Variants in ZNF516 observed in about 807,000 individuals in gnomAD.
ZNF516 encodes zinc finger protein 516.
In ZNF516, 19 loss-of-function variants were observed where a neutral mutation model predicts 79.7. The observed-to-expected ratio is 0.24, with a 90% CI of 0.17 to 0.35. The LOEUF is 0.35. Among genes scored for constraint, ZNF516 ranks in the 10% least tolerant of loss-of-function variants. The probability of loss-of-function intolerance (pLI) is 1.00; values close to 1 mark genes in which losing one functional copy is unlikely to be tolerated. For missense variants in ZNF516, 1,678 were observed against 1,679.5 expected (o/e 1.00, Z 0.02); for synonymous variants, 877 against 739.5 (o/e 1.19, Z -3.02).
At chr18:76,400,494 C>T (rs2075204128) in intron 3 of ZNF516, among the ~76,000 whole-genome samples, 2 of 152,172 alleles carry the variant, frequency 1.3e-5, no homozygotes, top group Non-Finnish European at 2.9e-5. Context: ...CCAGCTTTCC[C>T]CATTAGACAT....
chr18:76,419,251 TAG>T (rs1463923539), intron 3 of ZNF516, among the ~76,000 whole-genome samples: 3 of 152,126 alleles, frequency 2.0e-5, no homozygotes, highest in Non-Finnish European at 4.4e-5. Flanking sequence ...AACAATGGGA[TAG>T]AGACAAGTAT....
chr18:76,474,823 A>T (rs1042870002), intron 1 of ZNF516, among the ~76,000 whole-genome samples: 2 of 152,198 alleles, frequency 1.3e-5, no homozygotes, highest in African/African-American at 4.8e-5. Flanking sequence ...CAGAAGGAAA[A>T]TTTTAAAAAA....
intron 1 of ZNF516, among the ~76,000 whole-genome samples, chr18:76,480,529 A>ATACATATT (rs374464151): frequency 3.5e-5 from 5 of 142,024 alleles, no homozygotes; most frequent in African/African-American, 1.3e-4. Context: ...ACACACATAT[A>ATACATATT]TTTTTTTTTT....
chr18:76,428,903 G>C (rs2075628185), intron 3 of ZNF516, among the ~76,000 whole-genome samples: 1 of 152,250 alleles, frequency 6.6e-6, no homozygotes, highest in Non-Finnish European at 1.5e-5. Flanking sequence ...CAGGAGCCTA[G>C]CATGGGTCTA....
At chr18:76,458,794 G>GTGCGTGCCTCACCGT (rs1491238281) in intron 2 of ZNF516, among the ~76,000 whole-genome samples, 1 of 149,068 alleles carries the variant, frequency 6.7e-6, no homozygotes, top group African/African-American at 2.5e-5. Context: ...TCACCGTCGT[G>GTGCGTGCCTCACCGT]CGTGTGCGTG....
At chr18:76,406,917 C>T (rs1392087522) in intron 3 of ZNF516, among the ~76,000 whole-genome samples, 3 of 152,068 alleles carry the variant, frequency 2.0e-5, no homozygotes, top group South Asian at 2.1e-4. Flanking sequence ...GTGTCCCCTG[C>T]CAGGCCGGAG....
At chr18:76,495,789 G>A (rs1302166382), upstream of ZNF516, 3 of 1,115,904 alleles carry the variant, frequency 2.7e-6, no homozygotes, top group Non-Finnish European at 3.3e-6. Flanking sequence ...GGTCCCAGGT[G>A]CGTGTGCATT....
chr18:76,485,950 T>TAG (rs1914809300), intron 1 of ZNF516, among the ~76,000 whole-genome samples: 1 of 126,812 alleles, frequency 7.9e-6, no homozygotes, highest in Non-Finnish European at 1.8e-5. Flanking sequence ...TTTTTTGCTC[T>TAG]AGGTTAAAAT....
chr18:76,495,266 C>T (rs1408872134), upstream of ZNF516: 1 of 145,668 alleles, frequency 6.9e-6, no homozygotes, highest in African/African-American at 2.5e-5. Flanking sequence ...CAGCTGCGCC[C>T]GGGCGCGGGG....
chr18:76,374,301 T>C (rs9948518), intron 4 of ZNF516, among the ~76,000 whole-genome samples: 2,630 of 152,350 alleles, frequency 0.017, 27 homozygotes, highest in African/African-American at 0.024. Flanking sequence ...AGATCATGTA[T>C]TATTTTATTA....
At chr18:76,367,769 C>T (rs944010231) in intron 6 of ZNF516, among the ~76,000 whole-genome samples, 1 of 152,182 alleles carries the variant, frequency 6.6e-6, no homozygotes, top group African/African-American at 2.4e-5. Flanking sequence ...ATCTTGTCGC[C>T]CCAGTATCCT....
At chr18:76,492,976 G>A in intron 1 of ZNF516, 4 of 985,560 alleles carry the variant, frequency 4.1e-6, no homozygotes, top group Non-Finnish European at 4.8e-6. Context: ...TCATGCACGC[G>A]CACGCGCGCG....
chr18:76,432,517 T>A (rs545086969), intron 3 of ZNF516, among the ~76,000 whole-genome samples: 1 of 152,356 alleles, frequency 6.6e-6, no homozygotes, highest in East Asian at 1.9e-4. Context: ...CACTCAACTG[T>A]GTCCTTGACA....
intron 3 of ZNF516, among the ~76,000 whole-genome samples, chr18:76,381,150 G>C (rs1309811238): frequency 6.6e-6 from 1 of 152,202 alleles, no homozygotes; most frequent in Non-Finnish European, 1.5e-5. Flanking sequence ...AGGAACGCGT[G>C]AGACAGGGAG....
chr18:76,425,821 A>T (rs2075586091), intron 3 of ZNF516, among the ~76,000 whole-genome samples: 1 of 152,232 alleles, frequency 6.6e-6, no homozygotes, highest in Admixed American at 6.5e-5. Context: ...GTCGAGGTCC[A>T]GGTAAGAGAC....
In ZNF516 at chr18:76,495,239, C is replaced by G. The variant is rs1191591148; in HGVS notation, c.-367G>C. On this transcript the variant is annotated 5_prime_UTR_variant, in exon 1 of 7. Transcript: ENST00000443185. Reference sequence around the variant, plus strand: ...GCCCGCGGCGCGGAGCCGAGCGCTGCACTAGACCGACCGCGCCAGCTGCGC... The same window carrying G: ...GCCCGCGGCGCGGAGCCGAGCGCTGGACTAGACCGACCGCGCCAGCTGCGC... 6.8e-6 allele frequency: 1 copy of G among 146,914 alleles called. No individual in the cohort carries two copies. Among genetic ancestry groups the G allele is most frequent in the East Asian group, 2.0e-4 (1 of 4,978 alleles). The allele number at this position is 146,914 out of a possible 1,614,324, so 9.1% of individuals were successfully genotyped here.
chr18:76,492,546 C>A (rs1172663074), intron 1 of ZNF516: 7 of 332,412 alleles, frequency 2.1e-5, no homozygotes, highest in Non-Finnish European at 3.0e-5. Flanking sequence ...AAGACACATG[C>A]TGCCCTTCAC....
At chr18:76,371,071 G>A (rs540018884) in intron 5 of ZNF516, among the ~76,000 whole-genome samples, 15 of 152,324 alleles carry the variant, frequency 9.8e-5, no homozygotes, top group Middle Eastern at 3.4e-3. Context: ...AAAGGGGCCC[G>A]GGTGTATCCC....
At chr18:76,448,764 G>C (rs1028117396) in intron 2 of ZNF516, among the ~76,000 whole-genome samples, 1 of 152,122 alleles carries the variant, frequency 6.6e-6, no homozygotes, top group African/African-American at 2.4e-5. Context: ...GCAAGGCCTC[G>C]TATCAGGAGC....
Sources: allele counts gnomAD v4.1 joint callset (sites outside exome capture counted in the v4.1 genomes callset), GRCh38; gene constraint gnomAD v4.1.1; transcripts MANE v1.5; gene names NCBI Gene and HGNC (gene_info 2026-07-23, HGNC 2026-07-21).